SNX3: variants seen among roughly 807,000 people sequenced by gnomAD.
SNX3 encodes sorting nexin-3.
SNX3 carries 5 observed loss-of-function variants against 17.7 expected under a neutral mutation model. The ratio of observed to expected loss-of-function variants is 0.28; its 90% CI spans 0.15 to 0.59. The LOEUF (loss-of-function observed/expected upper bound fraction) is 0.59. SNX3 is among the 20% of genes least tolerant of loss of function. The pLI, the probability that SNX3 is intolerant of heterozygous loss-of-function variation, is 0.88. For synonymous variants in SNX3, 91 were observed against 76.5 expected, an observed-to-expected ratio of 1.19 and a Z score of -0.99; for missense variants, 132 against 206.8, an observed-to-expected ratio of 0.64 and a Z score of 2.22.
chr6:108,224,122 C>T lies in SNX3; in HGVS notation c.163-1077G>A, dbSNP rs114284651. On this transcript the variant is annotated intron_variant, in intron 1 of 3. Transcript: ENST00000230085. The stretch of plus-strand genomic sequence containing the variant: ...ATGTCTCAATGCCTATCACACTGCC[C>T]GTTGATGTAGAAGTTCTTTTTCTTC... Among the ~76,000 whole-genome samples the T allele has an allele frequency of 3.8e-3, 577 of 152,140 alleles. 6 individuals carry two copies. Among genetic ancestry groups the T allele is most frequent in the African/African-American group, 0.013 (553 of 41,500 alleles).
chr6:108,230,654 A>C (rs1454746918), intron 1 of SNX3, among the ~76,000 whole-genome samples: 1 of 152,216 alleles, frequency 6.6e-6, no homozygotes, highest in Non-Finnish European at 1.5e-5. Flanking sequence ...GGAGTTCAAA[A>C]GTTCTGCAAA....
chr6:108,251,399 A>C (rs1562440228), intron 1 of SNX3, among the ~76,000 whole-genome samples: 1 of 152,218 alleles, frequency 6.6e-6, no homozygotes, highest in Non-Finnish European at 1.5e-5. Flanking sequence ...AGCAAAGAAC[A>C]GTGTCTACTC....
At chr6:108,251,837 A>G (rs140466279) in intron 1 of SNX3, among the ~76,000 whole-genome samples, 2 of 152,156 alleles carry the variant, frequency 1.3e-5, no homozygotes, top group East Asian at 3.9e-4. Flanking sequence ...TGAAGTGGGC[A>G]TATCACTTGA....
At chr6:108,257,000 A>G (rs956691445) in intron 1 of SNX3, among the ~76,000 whole-genome samples, 2 of 152,242 alleles carry the variant, frequency 1.3e-5, no homozygotes, top group Non-Finnish European at 2.9e-5. Context: ...GGAAACTTGC[A>G]TTCTAAGTGC....
At chr6:108,213,176 A>G (rs992128703) in intron 3 of SNX3, among the ~76,000 whole-genome samples, 6 of 152,030 alleles carry the variant, frequency 3.9e-5, no homozygotes, top group Non-Finnish European at 5.9e-5. Context: ...GACATGATCC[A>G]CTGTACCAGG....
intron 1 of SNX3, among the ~76,000 whole-genome samples, chr6:108,241,627 AT>A (rs1382368802): frequency 6.6e-6 from 1 of 152,090 alleles, no homozygotes; most frequent in Non-Finnish European, 1.5e-5. Context: ...AAAAAAAAAA[AT>A]TGATCCGTGC....
chr6:108,243,830 G>T (rs1775601637), intron 1 of SNX3, among the ~76,000 whole-genome samples: 1 of 152,196 alleles, frequency 6.6e-6, no homozygotes, highest in Non-Finnish European at 1.5e-5. Flanking sequence ...CTACTTGGAA[G>T]GCTGAGGCAC....
rs775228576 is a variant in SNX3, at chr6:108,260,743, G to A, written c.162+17C>T. The A allele has an allele frequency of 3.2e-5, 51 of 1,613,310 alleles. No individual in the cohort carries two copies. Among genetic ancestry groups the A allele is most frequent in the Non-Finnish European group, 4.2e-5 (50 of 1,179,586 alleles). ...CAGCGGGAGGGGTTTCTTGGGAGAG[G>A]GGAGAGACGGCCTCACCTTGACCCT... is the stretch of plus-strand genomic sequence containing the variant. On this transcript the variant is annotated intron_variant, in intron 1 of 3. Coordinates refer to ENST00000230085, the MANE Select transcript of SNX3 (RefSeq NM_003795.6).
At chr6:108,215,677 A>C (rs953768160) in intron 2 of SNX3, among the ~76,000 whole-genome samples, 1 of 152,190 alleles carries the variant, frequency 6.6e-6, no homozygotes, top group African/African-American at 2.4e-5. Context: ...GCAGTGGCTC[A>C]CATCTGCAAT....
chr6:108,242,611 A>G (rs1442019763), intron 1 of SNX3, among the ~76,000 whole-genome samples: 1 of 152,222 alleles, frequency 6.6e-6, no homozygotes, highest in Non-Finnish European at 1.5e-5. Flanking sequence ...ACCCCTTGGC[A>G]TACACACCTC....
chr6:108,252,515 A>G (rs950020979), intron 1 of SNX3: 1 of 152,262 alleles, frequency 6.6e-6, no homozygotes, highest in African/African-American at 2.4e-5. Context: ...ACAAAAACCA[A>G]AAAACAAACC....
Position 108,215,857 on chromosome 6 carries a change from A to G in SNX3, c.259-1235T>C, listed in dbSNP as rs548798375. 9.9e-5 allele frequency among the ~76,000 whole-genome samples: 15 copies of G among 152,270 alleles called. 1 individual carries two copies. Among genetic ancestry groups the G allele is most frequent in the African/African-American group, 2.9e-4 (12 of 41,558 alleles). On this transcript the variant is annotated intron_variant, in intron 2 of 3. Transcript: ENST00000230085. The stretch of plus-strand genomic sequence containing the variant: ...GGAAGTGGGATGATCACTTGAGTCC[A>G]GGAGTTCAGGACTGGAGTGAACTAA...
At chr6:108,245,281 G>A (rs1287991796) in intron 1 of SNX3, among the ~76,000 whole-genome samples, 2 of 152,144 alleles carry the variant, frequency 1.3e-5, no homozygotes, top group African/African-American at 2.4e-5. Context: ...CCCCGCAAAG[G>A]ACATGAACTC....
chr6:108,226,979 T>C (rs1185444126), intron 1 of SNX3, among the ~76,000 whole-genome samples: 1 of 152,160 alleles, frequency 6.6e-6, no homozygotes, highest in African/African-American at 2.4e-5. Context: ...AAGACTCTTA[T>C]TATACTAAAA....
At chr6:108,246,312 T>C (rs1342241260) in intron 1 of SNX3, among the ~76,000 whole-genome samples, 1 of 122,776 alleles carries the variant, frequency 8.1e-6, no homozygotes, top group Non-Finnish European at 1.7e-5. Context: ...CTTTGAGCAT[T>C]CTTTTTTTTT....
At chr6:108,224,354 C>T (rs1198074539) in intron 1 of SNX3, among the ~76,000 whole-genome samples, 1 of 152,150 alleles carries the variant, frequency 6.6e-6, no homozygotes, top group Non-Finnish European at 1.5e-5. Flanking sequence ...GATCTCGGCT[C>T]ACTGAGATCT....
chr6:108,224,956 A>C (rs1376673121), intron 1 of SNX3, among the ~76,000 whole-genome samples: 1 of 152,178 alleles, frequency 6.6e-6, no homozygotes, highest in Non-Finnish European at 1.5e-5. Flanking sequence ...AACATGAAAG[A>C]TTTCTATTAT....
intron 1 of SNX3, among the ~76,000 whole-genome samples, chr6:108,248,833 T>A (rs1305544249): frequency 6.6e-6 from 1 of 151,952 alleles, no homozygotes; most frequent in Non-Finnish European, 1.5e-5. Flanking sequence ...CCATTATAGC[T>A]CACTGCAGCC....
chr6:108,212,163 T>C lies in SNX3; in HGVS notation c.475A>G (p.Ile159Val). ...IIDKSYTPSK[I>V]RHA Reference sequence around the variant, plus strand: ...CTTGCCAAATTTCAGGCATGTCTTATTTTAGATGGAGTATAGCTTTTATCT... The same window carrying C: ...CTTGCCAAATTTCAGGCATGTCTTACTTTAGATGGAGTATAGCTTTTATCT... Residue 159 changes from isoleucine (I) to valine (V), a missense_variant, in exon 4 of 4, where the codon ATA (isoleucine) becomes GTA (valine). Transcript: ENST00000230085. The C allele has an allele frequency of 1.9e-6, 3 of 1,595,902 alleles. No homozygotes were observed. In the South Asian group the frequency reaches 3.4e-5, roughly 18 times the overall value.
Sources: gnomAD v4.1 joint callset for allele counts (sites outside exome capture counted in the v4.1 genomes callset) on GRCh38, gnomAD v4.1.1 for gene constraint, MANE v1.5 for transcripts, NCBI Gene and HGNC (gene_info 2026-07-23, HGNC 2026-07-21) for gene names.